The following IL1RAPL2 variants were observed in gnomAD, a reference collection of about 807,000 sequenced individuals.
IL1RAPL2 encodes X-linked interleukin-1 receptor accessory protein-like 2.
IL1RAPL2 carries 3 observed loss-of-function variants against 44.1 expected under a neutral mutation model. That is an observed-to-expected ratio of 0.07 (90% CI 0.03 to 0.18). The LOEUF (loss-of-function observed/expected upper bound fraction) is 0.18, where lower values mean the gene tolerates loss of function less well. IL1RAPL2 is among the 10% of genes least tolerant of loss of function. IL1RAPL2 has a pLI of 1.00. For synonymous variants in IL1RAPL2, 181 were observed against 178.8 expected, an observed-to-expected ratio of 1.01 and a Z score of -0.10; for missense variants, 391 against 496.4, an observed-to-expected ratio of 0.79 and a Z score of 2.02.
At chrX:105,738,666 A>T (rs756316942) in intron 7 of IL1RAPL2, among the ~76,000 whole-genome samples, 9 of 111,373 alleles carry the variant, frequency 8.1e-5, no homozygotes, top group Non-Finnish European at 1.7e-4. Context: ...AGAGAAAGAA[A>T]AGAGAAGTTG....
intron 4 of IL1RAPL2, among the ~76,000 whole-genome samples, chrX:105,234,948 G>A (rs2034107462): frequency 9.0e-6 from 1 of 111,280 alleles, no homozygotes; most frequent in Admixed American, 9.6e-5. Context: ...CAGTGTCACT[G>A]GAACCTGGCA....
At chrX:104,745,696 ATT>A (rs1932162425) in intron 2 of IL1RAPL2, among the ~76,000 whole-genome samples, 1 of 111,934 alleles carries the variant, frequency 8.9e-6, no homozygotes, top group Admixed American at 9.5e-5. Flanking sequence ...GCATTTTCAG[ATT>A]AAGCAAAATT....
rs781404351 is a variant in IL1RAPL2 at position 105,633,602 on chromosome X, C to A, written c.773-83765C>A. Among the ~76,000 whole-genome samples, 187 of 111,607 alleles carry A rather than the reference C, an allele frequency of 1.7e-3. 2 individuals carry two copies. Among genetic ancestry groups the A allele is most frequent in the African/African-American group, 5.5e-3 (169 of 30,823 alleles). On this transcript the variant is annotated intron_variant, in intron 6 of 10. Coordinates refer to ENST00000372582, the MANE Select transcript of IL1RAPL2 (RefSeq NM_017416.2). ...ATGTAGGCAGAGCAGTTGACCTATG[C>A]GATGTGGACTTAAAAGCCCTAGGAA...
At chrX:104,876,234 C>T (rs1213536601) in intron 2 of IL1RAPL2, among the ~76,000 whole-genome samples, 3 of 111,638 alleles carry the variant, frequency 2.7e-5, no homozygotes, top group African/African-American at 9.8e-5. Context: ...AACAGTCACA[C>T]TTGCTGCCTT....
At chrX:105,448,890 T>C (rs1471742251) in intron 5 of IL1RAPL2, among the ~76,000 whole-genome samples, 2 of 111,273 alleles carry the variant, frequency 1.8e-5, no homozygotes, top group African/African-American at 3.3e-5. Context: ...TTCTGCTTCA[T>C]TTTAAAAAAT....
chrX:105,167,768 G>A (rs1199620991), intron 2 of IL1RAPL2, among the ~76,000 whole-genome samples: 1 of 110,054 alleles, frequency 9.1e-6, no homozygotes, highest in East Asian at 2.9e-4. Flanking sequence ...GAGATACCCT[G>A]TTTTGCCATT....
intron 2 of IL1RAPL2, among the ~76,000 whole-genome samples, chrX:105,068,971 G>A (rs1041142800): frequency 1.4e-4 from 16 of 112,345 alleles, no homozygotes; most frequent in African/African-American, 4.8e-4. Flanking sequence ...CCTCACAGTT[G>A]TGATCACAAC....
In IL1RAPL2 at chrX:105,665,557, G is replaced by GA. The variant is rs762597153; in HGVS notation, c.773-51805dup. Among the ~76,000 whole-genome samples the GA allele has an allele frequency of 2.7e-5, 3 of 110,390 alleles. No homozygotes were observed. In the South Asian group the frequency reaches 1.1e-3, roughly 42 times the overall value. ...ATTATTTAACATTACTTGTTTTTCT[G>GA]AAAAAGACAAATAACAAGATATTTT... is the stretch of plus-strand genomic sequence containing the variant. On this transcript the variant is annotated intron_variant, in intron 6 of 10. Coordinates refer to ENST00000372582, the MANE Select transcript of IL1RAPL2 (RefSeq NM_017416.2).
chrX:105,364,930 G>GC (rs2147714127), intron 5 of IL1RAPL2, among the ~76,000 whole-genome samples: 1 of 111,604 alleles, frequency 9.0e-6, no homozygotes, highest in Admixed American at 9.5e-5. Context: ...AGGACTTCCA[G>GC]TACTATGTAG....
intron 6 of IL1RAPL2, among the ~76,000 whole-genome samples, chrX:105,627,365 T>C (rs1387908610): frequency 9.0e-6 from 1 of 111,659 alleles, no homozygotes; most frequent in East Asian, 2.8e-4. Flanking sequence ...AGAAGTTAAG[T>C]GATTAGCCTA....
At chrX:105,717,073 T>C (rs2038262994) in intron 6 of IL1RAPL2, among the ~76,000 whole-genome samples, 1 of 111,820 alleles carries the variant, frequency 8.9e-6, no homozygotes, top group African/African-American at 3.3e-5. Flanking sequence ...TGAGCTGTGG[T>C]TGTGCCACTG....
intron 2 of IL1RAPL2, among the ~76,000 whole-genome samples, chrX:105,100,169 T>C (rs2032654375): frequency 1.8e-5 from 2 of 112,157 alleles, no homozygotes; most frequent in Admixed American, 9.4e-5. Flanking sequence ...CAATTCATCA[T>C]AGATCTGTAT....
chrX:105,713,136 G>T (rs909971430), intron 6 of IL1RAPL2, among the ~76,000 whole-genome samples: 4 of 112,127 alleles, frequency 3.6e-5, no homozygotes, highest in Non-Finnish European at 7.5e-5. Flanking sequence ...CTTTTCAGGT[G>T]CATGATGCAA....
chrX:105,101,896 T>C lies in IL1RAPL2; in HGVS notation c.83-93579T>C, dbSNP rs187078231. ...TGGTTTCAAAATCAGTTATTGCCAC[T>C]CAGCCTGCAGTCATCATTTAGCTGA... On this transcript the variant is annotated intron_variant, in intron 2 of 10. Transcript: ENST00000372582. 4.5e-4 allele frequency among the ~76,000 whole-genome samples: 51 copies of C among 112,265 alleles called. 1 individual carries two copies. In the Admixed American group the frequency reaches 4.7e-3, roughly 10 times the overall value.
intron 5 of IL1RAPL2, among the ~76,000 whole-genome samples, chrX:105,466,765 G>A (rs1054453092): frequency 9.0e-6 from 1 of 111,240 alleles, no homozygotes; most frequent in Non-Finnish European, 1.9e-5. Context: ...TGCTATAACC[G>A]AATATCTGAG....
intron 2 of IL1RAPL2, among the ~76,000 whole-genome samples, chrX:104,790,852 AAAGTGATCCTCC>A (rs983525338): frequency 8.9e-6 from 1 of 111,807 alleles, no homozygotes; most frequent in African/African-American, 3.3e-5. Context: ...TTCCTATATA[AAAGTGATCCTCC>A]ACAAGACAGT....
intron 4 of IL1RAPL2, among the ~76,000 whole-genome samples, chrX:105,240,480 G>A (rs186315481): frequency 8.9e-6 from 1 of 112,151 alleles, no homozygotes; most frequent in African/African-American, 3.2e-5. Context: ...GAAGTTCCAG[G>A]AATTCTTACC....
intron 6 of IL1RAPL2, among the ~76,000 whole-genome samples, chrX:105,622,287 TAATAATA>T (rs2037424745): frequency 9.4e-6 from 1 of 105,946 alleles, no homozygotes; most frequent in African/African-American, 3.4e-5. Flanking sequence ...AAAATAATAA[TAATAATA>T]ATAATAATAA....
At chrX:104,711,141 T>C (rs1480807738) in intron 2 of IL1RAPL2, among the ~76,000 whole-genome samples, 1 of 111,428 alleles carries the variant, frequency 9.0e-6, no homozygotes, top group African/African-American at 3.2e-5. Flanking sequence ...TACAATTGCC[T>C]ACAATATTCA....
Sources: allele counts gnomAD v4.1 joint callset (sites outside exome capture counted in the v4.1 genomes callset), GRCh38; gene constraint gnomAD v4.1.1; transcripts MANE v1.5; gene names NCBI Gene and HGNC (gene_info 2026-07-23, HGNC 2026-07-21).